The following GLRA1 variants were observed in gnomAD, a reference collection of about 807,000 sequenced individuals.
GLRA1 encodes the protein glycine receptor subunit alpha-1.
In GLRA1, 37 loss-of-function variants were observed where a neutral mutation model predicts 48.3. The ratio of observed to expected loss-of-function variants is 0.77; its 90% confidence interval spans 0.59 to 1.01. GLRA1 has a LOEUF of 1.01. Among genes scored for constraint, GLRA1 ranks in the 50% least tolerant of loss-of-function variants. The probability of loss-of-function intolerance (pLI) is 0.00; values close to 1 mark genes in which losing one functional copy is unlikely to be tolerated. For synonymous variants in GLRA1, 196 were observed against 210.7 expected, an observed-to-expected ratio of 0.93 and a Z score of 0.60; for missense variants, 427 against 571.0, an observed-to-expected ratio of 0.75 and a Z score of 2.57.
chr5:151,897,619 G>C (rs562115827), intron 1 of GLRA1, among the ~76,000 whole-genome samples: 1 of 152,216 alleles, frequency 6.6e-6, no homozygotes, highest in Admixed American at 6.5e-5. Flanking sequence ...ACTATACAAA[G>C]TATTAGACTA....
intron 7 of GLRA1, chr5:151,849,768 G>C (rs1020853460): frequency 1.8e-6 from 1 of 551,038 alleles, no homozygotes; most frequent in Non-Finnish European, 2.8e-6. Flanking sequence ...TGGCCAGGCT[G>C]GTCTCCAACT....
intron 8 of GLRA1, among the ~76,000 whole-genome samples, chr5:151,823,431 G>C (rs1007669519): frequency 6.6e-6 from 1 of 152,196 alleles, no homozygotes; most frequent in Non-Finnish European, 1.5e-5. Context: ...AATTTGGACA[G>C]ATCCCCTGCT....
rs1752873423 is a variant in GLRA1, at chr5:151,850,570, C to T, written c.912+820G>A. On this transcript the variant is annotated intron_variant, in intron 7 of 8. Transcript: ENST00000274576. ...AGGGAGGCCTGGACAAAGCCCAACA[C>T]CTAGCTGGATTCCATGAAACCTCCA... The T allele has an allele frequency of 4.3e-6, 6 of 1,382,906 alleles. No individual in the cohort carries two copies. The East Asian group carries it at 1.4e-4, about 32-fold the overall frequency. 85.7% of individuals were successfully genotyped at this position (1,382,906 alleles called of 1,614,324 possible). A position where few individuals can be genotyped will look rare whatever the true frequency, so the allele number is the denominator to read the frequency against.
chr5:151,910,578 C>A (rs1754584297), intron 1 of GLRA1, among the ~76,000 whole-genome samples: 1 of 152,162 alleles, frequency 6.6e-6, no homozygotes, highest in Non-Finnish European at 1.5e-5. Context: ...CCATTTTTGA[C>A]TTTTCTGCAT....
At chr5:151,878,175 G>T (rs1753673911) in intron 3 of GLRA1, among the ~76,000 whole-genome samples, 1 of 152,300 alleles carries the variant, frequency 6.6e-6, no homozygotes, top group African/African-American at 2.4e-5. Context: ...TGAGGAACTT[G>T]TTGGGAACTG....
At chr5:151,853,349 G>A (rs1037662773) in intron 6 of GLRA1, among the ~76,000 whole-genome samples, 1 of 151,882 alleles carries the variant, frequency 6.6e-6, no homozygotes, top group Non-Finnish European at 1.5e-5. Context: ...TGGGTTCAAG[G>A]GATCTCCTGT....
intron 7 of GLRA1, chr5:151,850,217 G>C (rs2113341194): frequency 6.2e-7 from 1 of 1,604,148 alleles, no homozygotes. Context: ...CCCATTACCA[G>C]GCCTGCTTGT....
At chr5:151,886,932 A>T in intron 2 of GLRA1, 144 bp from the exon 3 acceptor site, 1 of 706,806 alleles carries the variant, frequency 1.4e-6, no homozygotes, top group Non-Finnish European at 2.6e-6. Context: ...ACCCCCAAGC[A>T]CCTGGGATTC....
At chr5:151,853,727 T>G (rs1278509976) in intron 6 of GLRA1, among the ~76,000 whole-genome samples, 1 of 152,218 alleles carries the variant, frequency 6.6e-6, no homozygotes, top group African/African-American at 2.4e-5. Flanking sequence ...AATCTATCTA[T>G]TGTTTTTTCA....
rs1172878478 is a variant in GLRA1, at chr5:151,861,611, G to A, written c.253-1603C>T. Among the ~76,000 whole-genome samples the A allele has an allele frequency of 2.6e-5, 4 of 151,992 alleles. No individual in the cohort carries two copies. The East Asian group carries it at 5.8e-4, about 22-fold the overall frequency. ...GCTTGTAAATTTGTTTGAGTTCTTT[G>A]TAGATTCTTGATATTAGCCCTTTGT... On this transcript the variant is annotated intron_variant, in intron 3 of 8. Coordinates refer to ENST00000274576, the MANE Select transcript of GLRA1 (RefSeq NM_000171.4).
rs1253160169 is a variant in GLRA1, at chr5:151,859,832, G to A, written c.429C>T (p.Asn143=). The change falls in exon 4 of 9, where the codon AAC becomes AAT. Residue 143 remains asparagine (N), a synonymous_variant. Transcript: ENST00000274576. ...CATTCCGGGAGATCCTTAGCAATTT[G>A]TTGTCTGTGGTGATCTCATGGAAGT... The part of the protein sequence containing the change: ...GAHFHEITTD[N]KLLRISRNGN... 5 of 1,614,090 alleles carry A rather than the reference G, an allele frequency of 3.1e-6. No homozygotes were observed. Among genetic ancestry groups the A allele is most frequent in the Non-Finnish European group, 2.5e-6 (3 of 1,179,976 alleles).
chr5:151,822,632 C>CA lies in GLRA1; in HGVS notation c.*40dup. 7.2e-7 allele frequency: 1 copy of CA among 1,387,558 alleles called. No homozygotes were observed. Among genetic ancestry groups the CA allele is most frequent in the East Asian group, 2.3e-5 (1 of 43,806 alleles). The allele number at this position is 1,387,558 out of a possible 1,614,324, so 86.0% of individuals were successfully genotyped here. A position where few individuals can be genotyped will look rare whatever the true frequency, so the allele number is the denominator to read the frequency against. ...GTCTCTCAGATTCCTGTGCTATTCC[C>CA]ACGTTCCCCTCTCCCAGCCTCCCCC... On this transcript the variant is annotated 3_prime_UTR_variant, in exon 9 of 9. Coordinates refer to ENST00000274576, the MANE Select transcript of GLRA1 (RefSeq NM_000171.4).
chr5:151,879,175 G>A (rs1290540597), intron 3 of GLRA1, among the ~76,000 whole-genome samples: 2 of 152,200 alleles, frequency 1.3e-5, no homozygotes, highest in African/African-American at 2.4e-5. Flanking sequence ...AGTCAAAAGA[G>A]ATCATTTTGG....
chr5:151,831,062 C>G (rs1335828507), intron 7 of GLRA1, among the ~76,000 whole-genome samples: 1 of 152,200 alleles, frequency 6.6e-6, no homozygotes, highest in Admixed American at 6.5e-5. Context: ...ATCTCCCTCC[C>G]CTGGCCAAGG....
chr5:151,900,318 C>T (rs562612010), intron 1 of GLRA1, among the ~76,000 whole-genome samples: 4 of 152,264 alleles, frequency 2.6e-5, no homozygotes, highest in East Asian at 3.9e-4. Context: ...TCCTAAATCC[C>T]GGAGCTTGGT....
chr5:151,876,752 G>C (rs887425112), intron 3 of GLRA1, among the ~76,000 whole-genome samples: 3 of 152,116 alleles, frequency 2.0e-5, no homozygotes, highest in Non-Finnish European at 2.9e-5. Context: ...CATTTACTTG[G>C]CAGTTGTTAT....
intron 7 of GLRA1, chr5:151,850,404 C>A: frequency 8.0e-7 from 1 of 1,245,662 alleles, no homozygotes; most frequent in Non-Finnish European, 1.2e-6. Context: ...CAAGCCCATT[C>A]CTGGGAACAG....
At chr5:151,904,198 G>A (rs933697148) in intron 1 of GLRA1, among the ~76,000 whole-genome samples, 1 of 152,156 alleles carries the variant, frequency 6.6e-6, no homozygotes, top group African/African-American at 2.4e-5. Flanking sequence ...AGGAGCTCTA[G>A]GGTCGTTGCT....
intron 7 of GLRA1, among the ~76,000 whole-genome samples, chr5:151,838,418 G>A (rs1003235165): frequency 7.9e-5 from 12 of 152,096 alleles, no homozygotes; most frequent in Non-Finnish European, 1.0e-4. Flanking sequence ...GTAGTGAGCC[G>A]AGATCGTATC....
Sources: gnomAD v4.1 joint callset for allele counts (sites outside exome capture counted in the v4.1 genomes callset) on GRCh38, gnomAD v4.1.1 for gene constraint, MANE v1.5 for transcripts, NCBI Gene and HGNC (gene_info 2026-07-23, HGNC 2026-07-21) for gene names.